The following ITPKB variants were observed in gnomAD, a reference collection of about 807,000 sequenced individuals.
The protein encoded by ITPKB is IP3 3-kinase B.
Under a neutral mutation model 69.4 loss-of-function variants are expected in ITPKB, and 13 were observed. The observed-to-expected ratio is 0.19, with a 90% CI of 0.12 to 0.30. The LOEUF (loss-of-function observed/expected upper bound fraction) is 0.30. Ranked by LOEUF, ITPKB falls within the 10% of genes least tolerant of loss-of-function variation. The probability of loss-of-function intolerance (pLI) is 1.00; values close to 1 mark genes in which losing one functional copy is unlikely to be tolerated. For missense variants in ITPKB, 1,240 were observed against 1,250.5 expected (o/e 0.99, Z 0.13); for synonymous variants, 584 against 513.7 (o/e 1.14, Z -1.85).
chr1:226,690,297 G>A (rs1028937824), intron 2 of ITPKB, among the ~76,000 whole-genome samples: 8 of 152,112 alleles, frequency 5.3e-5, no homozygotes, highest in Non-Finnish European at 1.0e-4. Context: ...GCCAGGCACC[G>A]GGCAACAGCT....
At chr1:226,716,154 C>G (rs1657089930) in intron 2 of ITPKB, among the ~76,000 whole-genome samples, 1 of 152,190 alleles carries the variant, frequency 6.6e-6, no homozygotes, top group South Asian at 2.1e-4. Flanking sequence ...ATAACATGTT[C>G]ATACACTTCT....
At chr1:226,636,749 GCT>G (rs1491433591) in intron 7 of ITPKB, among the ~76,000 whole-genome samples, 3 of 123,980 alleles carry the variant, frequency 2.4e-5, no homozygotes, top group Non-Finnish European at 3.4e-5. Flanking sequence ...CAGGACTGCA[GCT>G]CTGTGTGTGT....
intron 2 of ITPKB, among the ~76,000 whole-genome samples, chr1:226,685,037 T>C (rs1229147866): frequency 1.3e-5 from 2 of 152,228 alleles, no homozygotes; most frequent in Non-Finnish European, 2.9e-5. Flanking sequence ...CCTTTTCCCT[T>C]TGAATGCCTG....
At chr1:226,703,243 A>T (rs1257268332) in intron 2 of ITPKB, among the ~76,000 whole-genome samples, 24 of 152,210 alleles carry the variant, frequency 1.6e-4, no homozygotes, top group Non-Finnish European at 3.5e-4. Flanking sequence ...AGAAAGACCG[A>T]GTGCTAGCAC....
chr1:226,654,621 C>A (rs1226580086), intron 2 of ITPKB, among the ~76,000 whole-genome samples: 2 of 152,178 alleles, frequency 1.3e-5, no homozygotes, highest in Non-Finnish European at 2.9e-5. Flanking sequence ...TACTCCTCCC[C>A]ACCTCCAGCC....
At chr1:226,716,021 G>A (rs906622603) in intron 2 of ITPKB, among the ~76,000 whole-genome samples, 1 of 152,174 alleles carries the variant, frequency 6.6e-6, no homozygotes, top group East Asian at 1.9e-4. Context: ...AAGTTGGCCA[G>A]GCTGGTCTCA....
intron 2 of ITPKB, among the ~76,000 whole-genome samples, chr1:226,729,431 G>A (rs1236174394): frequency 1.5e-5 from 2 of 136,252 alleles, no homozygotes; most frequent in Middle Eastern, 4.3e-3. Flanking sequence ...GCAGTGAGCC[G>A]ATATCATGCC....
At chr1:226,654,569 G>A (rs943422472) in intron 2 of ITPKB, among the ~76,000 whole-genome samples, 2 of 152,214 alleles carry the variant, frequency 1.3e-5, no homozygotes, top group Non-Finnish European at 2.9e-5. Context: ...CAGACCCAGG[G>A]TTCTGTGGCA....
intron 2 of ITPKB, among the ~76,000 whole-genome samples, chr1:226,711,869 C>T (rs1262470777): frequency 6.6e-6 from 1 of 152,138 alleles, no homozygotes; most frequent in Non-Finnish European, 1.5e-5. Context: ...TAGGCTGGTA[C>T]CATGTTGGTC....
At chr1:226,653,775 A>G (rs1267347313) in intron 2 of ITPKB, among the ~76,000 whole-genome samples, 1 of 152,138 alleles carries the variant, frequency 6.6e-6, no homozygotes, top group African/African-American at 2.4e-5. Flanking sequence ...CCAACTGAAG[A>G]CCAGGCATGA....
At chr1:226,718,720 G>T (rs770722994) in intron 2 of ITPKB, among the ~76,000 whole-genome samples, 1 of 152,180 alleles carries the variant, frequency 6.6e-6, no homozygotes, top group Non-Finnish European at 1.5e-5. Context: ...TAAATAAAAC[G>T]CTGGCAAGGA....
chr1:226,653,781 C>A (rs1479691113), intron 2 of ITPKB, among the ~76,000 whole-genome samples: 1 of 152,196 alleles, frequency 6.6e-6, no homozygotes, highest in Non-Finnish European at 1.5e-5. Context: ...GAAGACCAGG[C>A]ATGAGGTCTT....
In ITPKB at chr1:226,732,571, T is replaced by A. The variant is rs374791243; in HGVS notation, c.1932+2956A>T. On this transcript the variant is annotated intron_variant, in intron 2 of 7. Transcript: ENST00000429204. ...TTTTTTTTTTTTTTGTACATATAAC[T>A]GACAGAACAATTTTGAAATAAATCA... Among the ~76,000 whole-genome samples, 14 of 150,020 alleles carry A rather than the reference T, an allele frequency of 9.3e-5. No homozygotes were observed. In the East Asian group the frequency reaches 2.5e-3, roughly 27 times the overall value.
At chr1:226,733,951 G>C (rs560233053) in intron 2 of ITPKB, among the ~76,000 whole-genome samples, 79 of 152,338 alleles carry the variant, frequency 5.2e-4, no homozygotes, top group South Asian at 3.9e-3. Context: ...GGACAGTCAG[G>C]GAACAAGTTA....
At chr1:226,708,888 C>A (rs1656875957) in intron 2 of ITPKB, among the ~76,000 whole-genome samples, 3 of 152,360 alleles carry the variant, frequency 2.0e-5, no homozygotes, top group South Asian at 4.1e-4. Context: ...GCAGGCCTGG[C>A]AGGCCATGCT....
chr1:226,694,131 T>C (rs1656422274), intron 2 of ITPKB, among the ~76,000 whole-genome samples: 1 of 152,222 alleles, frequency 6.6e-6, no homozygotes, highest in Non-Finnish European at 1.5e-5. Context: ...AAAATATACA[T>C]GTGTTCATTA....
chr1:226,737,396 C>T lies in ITPKB; in HGVS notation c.63G>A (p.Lys21=). Residue 21 remains lysine (K), a synonymous_variant, in exon 2 of 8, where the codon AAG becomes AAA. Coordinates refer to ENST00000429204, the MANE Select transcript of ITPKB (RefSeq NM_002221.4). ...CACTGGGCCCCGGGCCGCCGCCGCTCTTCATCTCGTTGGCGCTATTCATGA... is the reference window on the plus strand; with the variant it reads ...CACTGGGCCCCGGGCCGCCGCCGCTTTTCATCTCGTTGGCGCTATTCATGA... ...LVIMNSANEM[K]SGGGPGPSGS... 3 of 1,610,772 alleles carry T rather than the reference C, an allele frequency of 1.9e-6. No homozygotes were observed. The highest frequency in any genetic ancestry group is 2.5e-6 in the Non-Finnish European group (3 of 1,179,226).
intron 2 of ITPKB, among the ~76,000 whole-genome samples, chr1:226,714,308 C>G (rs1657043595): frequency 6.6e-6 from 1 of 152,218 alleles, no homozygotes; most frequent in African/African-American, 2.4e-5. Context: ...TAACCAGCAC[C>G]ATGAGACCAC....
chr1:226,737,609 G>A lies in ITPKB; in HGVS notation c.-151C>T. 1 of 1,151,498 alleles carries A rather than the reference G, an allele frequency of 8.7e-7. No homozygotes were observed. 71.3% of individuals were successfully genotyped at this position (1,151,498 alleles called of 1,614,324 possible). On this transcript the variant is annotated 5_prime_UTR_variant, in exon 2 of 8. Coordinates refer to ENST00000429204, the MANE Select transcript of ITPKB (RefSeq NM_002221.4). ...GGCGGCATGGCCTGGGCAGCGGGCT[G>A]GGGGCACGACCGCGGGCTCAGCCCC... is the stretch of plus-strand genomic sequence containing the variant.
Sources: allele counts gnomAD v4.1 joint callset (sites outside exome capture counted in the v4.1 genomes callset), GRCh38; gene constraint gnomAD v4.1.1; transcripts MANE v1.5; gene names NCBI Gene and HGNC (gene_info 2026-07-23, HGNC 2026-07-21).